CFAP107: variants seen among roughly 807,000 people sequenced by gnomAD.
The protein encoded by CFAP107 is cilia and flagella associated protein 107.
At chr1:12,750,422 T>G in the CFAP107 span, among the ~76,000 whole-genome samples, 43 of 152,166 alleles carry the variant, frequency 2.8e-4, no homozygotes, top group African/African-American at 9.2e-4. Flanking sequence ...AACTTCCAAA[T>G]GAAAGGCATA....
At chr1:12,752,557 A>T in the CFAP107 span, among the ~76,000 whole-genome samples, 1,106 of 121,422 alleles carry the variant, frequency 9.1e-3, 10 homozygotes, top group African/African-American at 0.035. Context: ...ACTCTGTCTA[A>T]AAAAAAAAAA....
At chr1:12,746,926 C>T in the CFAP107 span, among the ~76,000 whole-genome samples, 1 of 152,000 alleles carries the variant, frequency 6.6e-6, no homozygotes, top group Non-Finnish European at 1.5e-5. Context: ...ATTTGAAGAA[C>T]ATTTGCTCTC....
At chr1:12,747,171 G>A in the CFAP107 span, among the ~76,000 whole-genome samples, 3 of 151,840 alleles carry the variant, frequency 2.0e-5, no homozygotes, top group Non-Finnish European at 2.9e-5. Flanking sequence ...AGGCTCAAGC[G>A]ATTCTCTTGC....
At chr1:12,754,119 C>G in the CFAP107 span, among the ~76,000 whole-genome samples, 1 of 152,128 alleles carries the variant, frequency 6.6e-6, no homozygotes, top group Non-Finnish European at 1.5e-5. Flanking sequence ...ATTTGCAAAT[C>G]ATATATCTGA....
chr1:12,754,564 T>C, the CFAP107 span, among the ~76,000 whole-genome samples: 2 of 152,228 alleles, frequency 1.3e-5, no homozygotes, highest in African/African-American at 2.4e-5. Context: ...ACATTCACAT[T>C]AATAGTAACT....
the CFAP107 span, chr1:12,746,280 G>C: frequency 1.8e-6 from 1 of 548,490 alleles, no homozygotes; most frequent in South Asian, 2.0e-5. Flanking sequence ...TATTCTCTGA[G>C]GTTAGCAAGG....
At chr1:12,746,634 G>C in the CFAP107 span, 20 of 861,340 alleles carry the variant, frequency 2.3e-5, 1 homozygote, top group South Asian at 2.8e-4. Flanking sequence ...ATGGAGGGCA[G>C]CAGATGATTG....
the CFAP107 span, among the ~76,000 whole-genome samples, chr1:12,760,592 G>C: frequency 2.0e-5 from 3 of 152,208 alleles, no homozygotes; most frequent in Admixed American, 2.0e-4. Flanking sequence ...CCAGGGGCTG[G>C]CTGAACCAAT....
chr1:12,761,247 TG>T, the CFAP107 span: 18 of 282,166 alleles, frequency 6.4e-5, no homozygotes, highest in Non-Finnish European at 9.9e-5. Context: ...TCTACCCTGT[TG>T]TTTCACAAGA....
At chr1:12,760,580 C>T in the CFAP107 span, among the ~76,000 whole-genome samples, 6 of 152,194 alleles carry the variant, frequency 3.9e-5, no homozygotes, top group East Asian at 1.9e-4. Flanking sequence ...ACCTTGAGAC[C>T]GCCAGGGGCT....
chr1:12,753,556 A>G, the CFAP107 span: 1 of 152,246 alleles, frequency 6.6e-6, no homozygotes, highest in Non-Finnish European at 1.5e-5. Context: ...GAGCCTAGAA[A>G]TAAACATTTG....
At chr1:12,752,555 T>TAAAAAA in the CFAP107 span, among the ~76,000 whole-genome samples, 1 of 46,664 alleles carries the variant, frequency 2.1e-5, no homozygotes. Flanking sequence ...CGACTCTGTC[T>TAAAAAA]AAAAAAAAAA....
the CFAP107 span, among the ~76,000 whole-genome samples, chr1:12,751,875 T>G: frequency 1.3e-5 from 2 of 152,080 alleles, no homozygotes; most frequent in Non-Finnish European, 2.9e-5. Context: ...ATGGAGAAAT[T>G]CCAAGAAATA....
the CFAP107 span, among the ~76,000 whole-genome samples, chr1:12,749,035 T>G: frequency 6.6e-6 from 1 of 152,090 alleles, no homozygotes; most frequent in Non-Finnish European, 1.5e-5. Context: ...TGGGACACTA[T>G]GAAGCAGATT....
chr1:12,757,736 G>C, the CFAP107 span, among the ~76,000 whole-genome samples: 2,562 of 152,098 alleles, frequency 0.017, 40 homozygotes, highest in East Asian at 0.065. Flanking sequence ...TTGTGGGATG[G>C]GGCCCTGAAC....
At chr1:12,759,539 GA>G in the CFAP107 span, 4 of 1,601,686 alleles carry the variant, frequency 2.5e-6, no homozygotes, top group African/African-American at 5.4e-5. Flanking sequence ...AAGTTGCACA[GA>G]CCAACGGAGC....
chr1:12,754,285 A>C, the CFAP107 span, among the ~76,000 whole-genome samples: 2,096 of 152,372 alleles, frequency 0.014, 43 homozygotes, highest in African/African-American at 0.047. Flanking sequence ...AGTCAACCTC[A>C]CTGATTATTA....
At chr1:12,759,485 T>A in the CFAP107 span, 93 of 1,614,172 alleles carry the variant, frequency 5.8e-5, no homozygotes, top group East Asian at 1.6e-3. Context: ...TTTCCCCTTC[T>A]TGGTACCTTT....
chr1:12,753,629 T>C, the CFAP107 span: 3 of 152,264 alleles, frequency 2.0e-5, no homozygotes, highest in Admixed American at 6.5e-5. Context: ...AAAGGACAAT[T>C]TCTTCAATAA....
Sources: allele counts gnomAD v4.1 joint callset (sites outside exome capture counted in the v4.1 genomes callset), GRCh38; gene constraint gnomAD v4.1.1; transcripts MANE v1.5; gene names NCBI Gene and HGNC (gene_info 2026-07-23, HGNC 2026-07-21).